The following SH3D19 variants were observed in gnomAD, a reference collection of about 807,000 sequenced individuals.
The protein encoded by SH3D19 is SH3 domain containing 19, also known as SH3 domain-containing protein 19.
Under a neutral mutation model 112.1 loss-of-function variants are expected in SH3D19, and 58 were observed. The ratio of observed to expected loss-of-function variants is 0.52; its 90% CI spans 0.42 to 0.64. The LOEUF (loss-of-function observed/expected upper bound fraction) is 0.64, where lower values mean the gene tolerates loss of function less well. Among genes scored for constraint, SH3D19 ranks in the 30% least tolerant of loss-of-function variants. The pLI, the probability that SH3D19 is intolerant of heterozygous loss-of-function variation, is 0.00. For missense variants in SH3D19, 1,090 were observed against 1,263.4 expected, an observed-to-expected ratio of 0.86 and a Z score of 2.08; for synonymous variants, 391 against 448.5, an observed-to-expected ratio of 0.87 and a Z score of 1.62.
chr4:151,130,539 C>T (rs1750414512), intron 17 of SH3D19, among the ~76,000 whole-genome samples: 1 of 152,170 alleles, frequency 6.6e-6, no homozygotes, highest in East Asian at 1.9e-4. Context: ...TTAAGCATTT[C>T]TGGGGTCATG....
At chr4:151,157,222 A>C (rs1756280359) in intron 9 of SH3D19, among the ~76,000 whole-genome samples, 1 of 151,874 alleles carries the variant, frequency 6.6e-6, no homozygotes, top group Admixed American at 6.6e-5. Flanking sequence ...ACTGCACTCC[A>C]GCCCAGGAGA....
chr4:151,163,699 G>A (rs1757527451), intron 8 of SH3D19, among the ~76,000 whole-genome samples: 1 of 151,638 alleles, frequency 6.6e-6, no homozygotes, highest in Admixed American at 6.6e-5. Context: ...TTGTGCCTTA[G>A]CCTCCCAAGT....
intron 1 of SH3D19, among the ~76,000 whole-genome samples, chr4:151,318,997 C>T (rs1253809043): frequency 6.6e-6 from 1 of 152,070 alleles, no homozygotes; most frequent in Non-Finnish European, 1.5e-5. Flanking sequence ...TTTGTATTGC[C>T]AGTATTTTAG....
At chr4:151,128,871 T>C (rs1362668657) in intron 17 of SH3D19, among the ~76,000 whole-genome samples, 1 of 152,136 alleles carries the variant, frequency 6.6e-6, no homozygotes, top group African/African-American at 2.4e-5. Flanking sequence ...TCTTGAACTC[T>C]TGGCTCAAGT....
At chr4:151,221,588 TC>T (rs1360720484) in intron 2 of SH3D19, among the ~76,000 whole-genome samples, 3 of 152,224 alleles carry the variant, frequency 2.0e-5, no homozygotes, top group Non-Finnish European at 2.9e-5. Context: ...GTCAGGTTCT[TC>T]CCGATTTGTA....
At chr4:151,210,121 G>C (rs1561347601) in intron 2 of SH3D19, among the ~76,000 whole-genome samples, 1 of 152,076 alleles carries the variant, frequency 6.6e-6, no homozygotes, top group African/African-American at 2.4e-5. Flanking sequence ...TAATTTGGTA[G>C]TATATATGAA....
chr4:151,152,708 G>A (rs1159074774), intron 9 of SH3D19, among the ~76,000 whole-genome samples: 8 of 151,202 alleles, frequency 5.3e-5, no homozygotes, highest in African/African-American at 1.7e-4. Flanking sequence ...TAGTAGAGAC[G>A]GGGTTTCACC....
At chr4:151,171,119 G>A (rs999718868) in intron 7 of SH3D19, among the ~76,000 whole-genome samples, 3 of 151,956 alleles carry the variant, frequency 2.0e-5, no homozygotes, top group African/African-American at 7.3e-5. Context: ...ATATTCTGTA[G>A]TAGAAGTCCT....
intron 17 of SH3D19, among the ~76,000 whole-genome samples, chr4:151,130,011 C>T (rs999604284): frequency 2.0e-4 from 30 of 152,306 alleles, no homozygotes; most frequent in African/African-American, 5.5e-4. Context: ...TTTTGGAGAA[C>T]TGTAGTCAGT....
intron 2 of SH3D19, among the ~76,000 whole-genome samples, chr4:151,190,630 C>T (rs937143703): frequency 2.0e-5 from 3 of 152,164 alleles, no homozygotes; most frequent in South Asian, 2.1e-4. Flanking sequence ...TGGTGTTGAG[C>T]GTGCAAGTGC....
chr4:151,251,198 CTT>C (rs11368412), intron 1 of SH3D19, among the ~76,000 whole-genome samples: 8 of 142,536 alleles, frequency 5.6e-5, no homozygotes, highest in Admixed American at 1.4e-4. Context: ...TCTTTTTTTC[CTT>C]TTTTTTTTTT....
intron 2 of SH3D19, among the ~76,000 whole-genome samples, chr4:151,209,129 A>G (rs1765569032): frequency 6.6e-6 from 1 of 152,156 alleles, no homozygotes; most frequent in African/African-American, 2.4e-5. Flanking sequence ...AGAAAGATTA[A>G]GAAACTTTCC....
chr4:151,230,809 G>C (rs751124107), intron 1 of SH3D19, among the ~76,000 whole-genome samples: 36 of 152,120 alleles, frequency 2.4e-4, no homozygotes, highest in Non-Finnish European at 4.9e-4. Context: ...TCGAACTCCT[G>C]ACCTCATGAT....
chr4:151,217,663 A>T (rs959647972), intron 2 of SH3D19, among the ~76,000 whole-genome samples: 3 of 152,178 alleles, frequency 2.0e-5, no homozygotes, highest in African/African-American at 7.2e-5. Context: ...ACAAAAAAAA[A>T]ATCTATCTTG....
At chr4:151,177,568 C>A (rs1360559717) in intron 4 of SH3D19, among the ~76,000 whole-genome samples, 4 of 152,160 alleles carry the variant, frequency 2.6e-5, no homozygotes, top group African/African-American at 9.7e-5. Flanking sequence ...AGGCTGATCT[C>A]GAACTCCTGA....
At chr4:151,313,299 A>T (rs953762826) in intron 1 of SH3D19, among the ~76,000 whole-genome samples, 3 of 152,192 alleles carry the variant, frequency 2.0e-5, no homozygotes, top group Non-Finnish European at 2.9e-5. Flanking sequence ...GAAATACGAA[A>T]GGAACAAGGT....
intron 1 of SH3D19, among the ~76,000 whole-genome samples, chr4:151,275,861 T>TTTTTTG (rs201239876): frequency 4.5e-5 from 6 of 132,382 alleles, no homozygotes; most frequent in African/African-American, 1.1e-4. Flanking sequence ...TTTTTTTTTT[T>TTTTTTG]AGACGGAGTC....
chr4:151,134,111 A>G (rs376326144), intron 15 of SH3D19, among the ~76,000 whole-genome samples: 1 of 152,238 alleles, frequency 6.6e-6, no homozygotes, highest in African/African-American at 2.4e-5. Flanking sequence ...CTGCTGAGAC[A>G]CAGTATATGC....
At chr4:151,273,440 A>G (rs1306752538) in intron 1 of SH3D19, among the ~76,000 whole-genome samples, 1 of 151,852 alleles carries the variant, frequency 6.6e-6, no homozygotes, top group Non-Finnish European at 1.5e-5. Flanking sequence ...AATACAAAAA[A>G]TTAGCTGGGC....
Sources: allele counts gnomAD v4.1 joint callset (sites outside exome capture counted in the v4.1 genomes callset), GRCh38; gene constraint gnomAD v4.1.1; transcripts MANE v1.5; gene names NCBI Gene and HGNC (gene_info 2026-07-23, HGNC 2026-07-21).